The following MALRD1 variants were observed in gnomAD, a reference collection of about 807,000 sequenced individuals.
MALRD1 encodes the protein MAM and LDL receptor class A domain containing 1, also known as MAM and LDL-receptor class A domain-containing protein 1.
In MALRD1, 247 loss-of-function variants were observed where a neutral mutation model predicts 242.1. The observed-to-expected ratio is 1.02, with a 90% CI of 0.92 to 1.13. MALRD1 has a LOEUF of 1.13. MALRD1 is among the 50% of genes most tolerant of loss of function. The pLI, the probability that MALRD1 is intolerant of heterozygous loss-of-function variation, is 0.00. For synonymous variants in MALRD1, 995 were observed against 866.6 expected, an observed-to-expected ratio of 1.15 and a Z score of -2.60; for missense variants, 2,989 against 2,533.1, an observed-to-expected ratio of 1.18 and a Z score of -3.86.
chr10:19,549,785 A>G (rs1835401757), intron 32 of MALRD1, among the ~76,000 whole-genome samples: 1 of 152,188 alleles, frequency 6.6e-6, no homozygotes, highest in African/African-American at 2.4e-5. Flanking sequence ...ATAGCAGTGG[A>G]AACTGAAATT....
chr10:19,226,111 T>C (rs1837789348), intron 18 of MALRD1, among the ~76,000 whole-genome samples: 1 of 152,170 alleles, frequency 6.6e-6, no homozygotes, highest in African/African-American at 2.4e-5. Flanking sequence ...CTTAATACAA[T>C]ATTAGCAAAT....
chr10:19,382,921 T>C (rs1466426777), intron 26 of MALRD1, among the ~76,000 whole-genome samples: 1 of 152,200 alleles, frequency 6.6e-6, no homozygotes, highest in African/African-American at 2.4e-5. Flanking sequence ...TAACCTTCAG[T>C]ACCAAAATTC....
intron 28 of MALRD1, among the ~76,000 whole-genome samples, chr10:19,442,566 A>G (rs537813579): frequency 4.6e-5 from 7 of 152,176 alleles, no homozygotes; most frequent in South Asian, 2.1e-4. Context: ...TTTTGCATCT[A>G]TTGAGATAAT....
At chr10:19,048,379 A>G (rs930063924), upstream of MALRD1, among the ~76,000 whole-genome samples, 5 of 152,218 alleles carry the variant, frequency 3.3e-5, no homozygotes, top group Non-Finnish European at 7.4e-5. Flanking sequence ...AACAAACAAA[A>G]GAAGACAAAA....
In MALRD1 at chr10:19,352,170, CA is replaced by C; in HGVS notation, c.4317del (p.Lys1439AsnfsTer67). The C allele has an allele frequency of 6.4e-7, 1 of 1,550,486 alleles. No homozygotes were observed. The highest frequency in any genetic ancestry group is 8.7e-7 in the Non-Finnish European group (1 of 1,146,932). The stretch of plus-strand genomic sequence containing the variant: ...TGTTTGGTGATGAAGACTTCCAACT[CA>C]AATTTGAAGGTAGAGTTGGGAAAGG... ...SLFGDEDFQLKFEGRVGKGQR... is the reference protein window; with the variant it reads ...SLFGDEDFQLXFEGRVGKGQR... On this transcript the variant is annotated frameshift_variant, in exon 26 of 40. Transcript: ENST00000454679. LOFTEE classifies it high-confidence loss of function.
intron 32 of MALRD1, among the ~76,000 whole-genome samples, chr10:19,550,499 T>G (rs1589229384): frequency 6.6e-6 from 1 of 152,056 alleles, no homozygotes; most frequent in African/African-American, 2.4e-5. Context: ...CCTTCCAACC[T>G]CCACCCTCCA....
intron 29 of MALRD1, among the ~76,000 whole-genome samples, chr10:19,465,739 G>A (rs150873929): frequency 6.6e-6 from 1 of 152,186 alleles, no homozygotes; most frequent in Non-Finnish European, 1.5e-5. Context: ...TAGCCATGCT[G>A]CCCATGCTAG....
At chr10:19,581,352 A>G (rs12764051) in intron 33 of MALRD1, among the ~76,000 whole-genome samples, 2 of 142,310 alleles carry the variant, frequency 1.4e-5, no homozygotes, top group African/African-American at 5.2e-5. Context: ...TATATCTCCC[A>G]ATGCTATCCC....
chr10:19,125,344 T>C (rs868737514), intron 7 of MALRD1, among the ~76,000 whole-genome samples: 20 of 98,172 alleles, frequency 2.0e-4, no homozygotes, highest in African/African-American at 8.5e-4. Context: ...TTTCTTTCTT[T>C]CTTTCTTTCT....
At chr10:19,233,143 G>A (rs1838155895) in intron 18 of MALRD1, among the ~76,000 whole-genome samples, 1 of 152,126 alleles carries the variant, frequency 6.6e-6, no homozygotes, top group Non-Finnish European at 1.5e-5. Context: ...GGCGTGCAGT[G>A]TGAAATAATC....
chr10:19,049,977 A>T (rs1190654813), intron 1 of MALRD1, among the ~76,000 whole-genome samples: 1 of 152,182 alleles, frequency 6.6e-6, no homozygotes, highest in Non-Finnish European at 1.5e-5. Context: ...CATTTTCATA[A>T]AATTACCAGG....
At chr10:19,252,690 A>G (rs1350635943) in intron 18 of MALRD1, among the ~76,000 whole-genome samples, 1 of 152,008 alleles carries the variant, frequency 6.6e-6, no homozygotes, top group Non-Finnish European at 1.5e-5. Context: ...CCAGTTTCTC[A>G]CACAGTTTTA....
chr10:19,556,482 TTTTCCATGAA>T (rs1246257066), intron 32 of MALRD1, among the ~76,000 whole-genome samples: 1 of 152,110 alleles, frequency 6.6e-6, no homozygotes, highest in African/African-American at 2.4e-5. Context: ...TAGTTTTACC[TTTTCCATGAA>T]TTCACATAGT....
Position 19,533,156 on chromosome 10 carries a change from T to C in MALRD1, c.5478+1805T>C, listed in dbSNP as rs147826549. Among the ~76,000 whole-genome samples the C allele has an allele frequency of 1.1e-4, 17 of 152,310 alleles. No homozygotes were observed. The East Asian group carries it at 2.7e-3, about 24-fold the overall frequency. On this transcript the variant is annotated intron_variant, in intron 32 of 39. Coordinates refer to ENST00000454679, the MANE Select transcript of MALRD1 (RefSeq NM_001142308.3). ...TCAAAAAGACCACCCCTGTGTTCTT[T>C]AGCTACTCACCAGCTGGGCCTTCAG...
At chr10:19,456,022 T>C (rs1176527391) in intron 29 of MALRD1, among the ~76,000 whole-genome samples, 1 of 152,174 alleles carries the variant, frequency 6.6e-6, no homozygotes, top group East Asian at 1.9e-4. Context: ...AATCCAATAA[T>C]GGTATAAGAT....
chr10:19,581,286 G>A (rs1036606401), intron 33 of MALRD1, among the ~76,000 whole-genome samples: 10 of 151,240 alleles, frequency 6.6e-5, no homozygotes, highest in African/African-American at 1.9e-4. Context: ...AGTTACATAT[G>A]TATACATGTG....
chr10:19,490,859 T>G (rs16905891), intron 29 of MALRD1, among the ~76,000 whole-genome samples: 24,026 of 152,142 alleles, frequency 0.16, 2,443 homozygotes, highest in African/African-American at 0.29. Flanking sequence ...AAAATTTGCA[T>G]AAAATAGTGT....
chr10:19,517,404 C>T (rs1833683211), intron 31 of MALRD1, among the ~76,000 whole-genome samples: 1 of 152,194 alleles, frequency 6.6e-6, no homozygotes, highest in Admixed American at 6.5e-5. Context: ...TTTGAAATCT[C>T]TCAGTTTGGG....
intron 32 of MALRD1, among the ~76,000 whole-genome samples, chr10:19,545,223 A>G (rs1350488063): frequency 1.3e-5 from 2 of 152,166 alleles, no homozygotes; most frequent in Non-Finnish European, 2.9e-5. Context: ...ACATTGGATT[A>G]GAGCCTACCC....
Sources: gnomAD v4.1 joint callset for allele counts (sites outside exome capture counted in the v4.1 genomes callset) on GRCh38, gnomAD v4.1.1 for gene constraint, MANE v1.5 for transcripts, NCBI Gene and HGNC (gene_info 2026-07-23, HGNC 2026-07-21) for gene names.